Variants in PCDHA10 observed in about 807,000 individuals in gnomAD.
PCDHA10 encodes the protein protocadherin alpha 10.
In PCDHA10, 45 loss-of-function variants were observed where a neutral mutation model predicts 61.2. The ratio of observed to expected loss-of-function variants is 0.74; its 90% CI spans 0.58 to 0.94. The LOEUF is 0.94. Among genes scored for constraint, PCDHA10 ranks in the 40% least tolerant of loss-of-function variants. PCDHA10 has a pLI of 0.00. For missense variants in PCDHA10, 1,278 were observed against 1,236.2 expected (o/e 1.03, Z -0.51); for synonymous variants, 602 against 548.8 (o/e 1.10, Z -1.35).
At chr5:140,909,961 A>G (rs1407330494) in intron 1 of PCDHA10, among the ~76,000 whole-genome samples, 2 of 152,206 alleles carry the variant, frequency 1.3e-5, no homozygotes, top group Non-Finnish European at 2.9e-5. Flanking sequence ...GTAGGTCTCC[A>G]TGGGGAAGGA....
rs1487503403 is a variant in PCDHA10 at position 140,941,191 on chromosome 5, T to TTTCTTTC, written c.2389-37756_2389-37755insCTTTCTT. Among the ~76,000 whole-genome samples, 158 of 93,240 alleles carry TTTCTTTC rather than the reference T, an allele frequency of 1.7e-3. 2 individuals carry two copies. Among genetic ancestry groups the TTTCTTTC allele is most frequent in the South Asian group, 0.011 (38 of 3,542 alleles). 61.2% of individuals were successfully genotyped at this position (93,240 alleles called of 152,430 possible). A position where few individuals can be genotyped will look rare whatever the true frequency, so the allele number is the denominator to read the frequency against. ...CATCTTGAACATCCTGCTTCTTTTT[T>TTTCTTTC]TTTCTTTCTTCCTTTCTTTCTTCCT... On this transcript the variant is annotated intron_variant, in intron 1 of 3. Transcript: ENST00000307360.
chr5:140,963,196 G>GA (rs199602110), intron 1 of PCDHA10, among the ~76,000 whole-genome samples: 256 of 147,602 alleles, frequency 1.7e-3, no homozygotes, highest in African/African-American at 4.3e-3. Flanking sequence ...CTGTGAAAAT[G>GA]AAAAAAAAAA....
rs369720251 is a variant in PCDHA10 at position 140,883,769 on chromosome 5, G to A, written c.2388+25333G>A. 9.3e-6 allele frequency: 15 copies of A among 1,612,378 alleles called. No homozygotes were observed. The South Asian group carries it at 1.2e-4, about 13-fold the overall frequency. On this transcript the variant is annotated intron_variant, in intron 1 of 3. Transcript: ENST00000307360. ...CTCGCTGGTGGAGCGGCGGGTGGGC[G>A]AGCGTGCGCTGTCGAGCTACGTGTC...
intron 1 of PCDHA10, among the ~76,000 whole-genome samples, chr5:140,964,516 C>G (rs1410737676): frequency 6.6e-6 from 1 of 152,006 alleles, no homozygotes; most frequent in African/African-American, 2.4e-5. Flanking sequence ...ACCCAGTGGC[C>G]AGGTCTCTGA....
Position 140,875,636 on chromosome 5 carries a change from A to T in PCDHA10, c.2388+17200A>T, listed in dbSNP as rs574545388. On this transcript the variant is annotated intron_variant, in intron 1 of 3. Coordinates refer to ENST00000307360, the MANE Select transcript of PCDHA10 (RefSeq NM_018901.4). The stretch of plus-strand genomic sequence containing the variant: ...CGCATCGCTCAGGACCTGGGGCTGG[A>T]GCTGGCGGAGCTGGTGCCGCGCCTG... 6 of 1,613,488 alleles carry T rather than the reference A, an allele frequency of 3.7e-6. No individual in the cohort carries two copies. The Admixed American group carries it at 8.3e-5, about 22-fold the overall frequency.
chr5:140,972,244 A>G (rs2096526797), intron 1 of PCDHA10, among the ~76,000 whole-genome samples: 1 of 151,646 alleles, frequency 6.6e-6, no homozygotes, highest in African/African-American at 2.4e-5. Context: ...GGCTCAAGCA[A>G]TCCTCACACA....
At chr5:140,928,427 C>T in intron 1 of PCDHA10, 1 of 1,614,132 alleles carries the variant, frequency 6.2e-7, no homozygotes. Flanking sequence ...GCCAAAACTT[C>T]CTTTGACTTT....
rs199847007 is a variant in PCDHA10, at chr5:140,883,896, C to A, written c.2388+25460C>A. ...GTGAGCGCGCGCGACTCTGGCGTGC[C>A]GCCTCTGGGCAGCAACGTGACGCTG... On this transcript the variant is annotated intron_variant, in intron 1 of 3. Transcript: ENST00000307360. The A allele has an allele frequency of 3.1e-6, 5 of 1,613,386 alleles. 1 individual carries two copies. In the South Asian group the frequency reaches 4.4e-5, roughly 14 times the overall value.
chr5:140,889,417 A>G (rs2062219100), intron 1 of PCDHA10, among the ~76,000 whole-genome samples: 1 of 152,040 alleles, frequency 6.6e-6, no homozygotes. Context: ...TCAGTTACGT[A>G]GATAATATTT....
chr5:140,860,977 T>A (rs1314844613), intron 1 of PCDHA10: 1 of 152,212 alleles, frequency 6.6e-6, no homozygotes, highest in African/African-American at 2.4e-5. Flanking sequence ...GACCTCGTGA[T>A]CCACCGGCCT....
At chr5:141,006,192 G>A (rs2098259902) in intron 3 of PCDHA10, among the ~76,000 whole-genome samples, 1 of 150,138 alleles carries the variant, frequency 6.7e-6, no homozygotes, top group African/African-American at 2.5e-5. Context: ...TTTGCTATAT[G>A]TATGTTATGC....
chr5:140,927,674 A>T (rs201769803), intron 1 of PCDHA10: 1 of 1,614,182 alleles, frequency 6.2e-7, no homozygotes, highest in Non-Finnish European at 8.5e-7. Flanking sequence ...TTGGATCCAG[A>T]TGAAGGGTCC....
chr5:140,927,191 T>G, intron 1 of PCDHA10: 1 of 1,614,144 alleles, frequency 6.2e-7, no homozygotes. Flanking sequence ...TACGACCTGG[T>G]GCTCGAGGAC....
intron 1 of PCDHA10, chr5:140,875,799 C>T (rs781911910): frequency 5.6e-6 from 9 of 1,614,014 alleles, no homozygotes. Flanking sequence ...TGGAGGTGAT[C>T]GTGGACAGGC....
intron 1 of PCDHA10, chr5:140,969,045 C>G: frequency 1.2e-6 from 2 of 1,614,090 alleles, no homozygotes. Flanking sequence ...TACAAACAAG[C>G]CAACAACAAT....
At chr5:140,966,854 C>G in intron 1 of PCDHA10, 1 of 1,573,744 alleles carries the variant, frequency 6.4e-7, no homozygotes, top group Non-Finnish European at 8.6e-7. Context: ...GCCTCTCCTG[C>G]TGCTGTTGCT....
At chr5:140,868,966 A>G (rs2050768695) in intron 1 of PCDHA10, 1 of 1,433,890 alleles carries the variant, frequency 7.0e-7, no homozygotes, top group Non-Finnish European at 9.3e-7. Flanking sequence ...CATACAAAGG[A>G]ACTCCATCAT....
intron 1 of PCDHA10, chr5:140,926,624 G>A (rs2083414676): frequency 5.0e-6 from 2 of 400,148 alleles, no homozygotes; most frequent in Admixed American, 8.6e-5. Context: ...CCTAGGCGGC[G>A]CTGCGCTCCT....
chr5:141,000,421 ATT>A (rs34755515), intron 3 of PCDHA10, among the ~76,000 whole-genome samples: 627 of 27,724 alleles, frequency 0.023, 1 homozygote, highest in Middle Eastern at 0.071. Context: ...ATATATATAT[ATT>A]TTTTTTTTTT....
Sources: gnomAD v4.1 joint callset for allele counts (sites outside exome capture counted in the v4.1 genomes callset) on GRCh38, gnomAD v4.1.1 for gene constraint, MANE v1.5 for transcripts, NCBI Gene and HGNC (gene_info 2026-07-23, HGNC 2026-07-21) for gene names.